The following ALMS1 variants were observed in gnomAD, a reference collection of about 807,000 sequenced individuals.
ALMS1 encodes ALMS1 centrosome and basal body associated protein, also known as centrosome-associated protein ALMS1.
ALMS1 carries 271 observed loss-of-function variants against 352.2 expected under a neutral mutation model. The observed-to-expected ratio is 0.77, with a 90% confidence interval of 0.70 to 0.85. The LOEUF (loss-of-function observed/expected upper bound fraction) is 0.85. Among genes scored for constraint, ALMS1 ranks in the 40% least tolerant of loss-of-function variants. The probability of loss-of-function intolerance (pLI) is 0.00; values close to 1 mark genes in which losing one functional copy is unlikely to be tolerated. For synonymous variants in ALMS1, 1,865 were observed against 1,761.2 expected, an observed-to-expected ratio of 1.06 and a Z score of -1.48; for missense variants, 5,445 against 4,870.7, an observed-to-expected ratio of 1.12 and a Z score of -3.51.
At chr2:73,538,757 G>T (rs1054133156) in intron 12 of ALMS1, among the ~76,000 whole-genome samples, 2 of 152,206 alleles carry the variant, frequency 1.3e-5, no homozygotes, top group Non-Finnish European at 2.9e-5. Flanking sequence ...TGGCTCGGAG[G>T]ATCCTACGCC....
At chr2:73,522,943 A>G (rs1673715788) in intron 11 of ALMS1, among the ~76,000 whole-genome samples, 1 of 152,198 alleles carries the variant, frequency 6.6e-6, no homozygotes, top group Admixed American at 6.5e-5. Context: ...AAGCTGCTCT[A>G]TGTTTTGCTT....
chr2:73,517,901 A>G (rs1572989993), intron 10 of ALMS1, among the ~76,000 whole-genome samples: 1 of 151,162 alleles, frequency 6.6e-6, no homozygotes, highest in African/African-American at 2.4e-5. Flanking sequence ...CAGGTGATCC[A>G]CCCACCTCAG....
chr2:73,422,126 G>A (rs920175774), intron 3 of ALMS1, among the ~76,000 whole-genome samples: 1 of 151,920 alleles, frequency 6.6e-6, no homozygotes, highest in African/African-American at 2.4e-5. Flanking sequence ...CATTGAAAAA[G>A]TACATATTTT....
chr2:73,512,767 G>A lies in ALMS1; in HGVS notation c.9540-7008G>A, dbSNP rs187555816. ...CTCTATATCCTTTTTGTATGTCCCCGTCATCTTTTGATCATGTCTTTGCTT... is the reference window on the plus strand; with the variant it reads ...CTCTATATCCTTTTTGTATGTCCCCATCATCTTTTGATCATGTCTTTGCTT... On this transcript the variant is annotated intron_variant, in intron 10 of 22. Transcript: ENST00000613296. 5.9e-3 allele frequency among the ~76,000 whole-genome samples: 893 copies of A among 152,126 alleles called. 4 individuals are homozygous for A. The highest frequency in any genetic ancestry group is 8.9e-3 in the Non-Finnish European group (605 of 67,980).
At chr2:73,454,319 TG>T in intron 8 of ALMS1, 1 of 984,660 alleles carries the variant, frequency 1.0e-6, no homozygotes, top group Non-Finnish European at 1.2e-6. Flanking sequence ...AGTACCAGCC[TG>T]AGTTTACGTT....
At position 73,609,578 on chromosome 2, in the gene ALMS1, A is replaced by G. The variant is rs752828644; in HGVS notation, c.12473A>G (p.Asn4158Ser). 2.1e-5 allele frequency: 34 copies of G among 1,614,132 alleles called. No homozygotes were observed. Among genetic ancestry groups the G allele is most frequent in the Admixed American group, 6.7e-5 (4 of 60,034 alleles). The change falls in exon 23 of 23, where the codon AAT (asparagine) becomes AGT (serine). Residue 4158 changes from asparagine to serine, a missense_variant. Transcript: ENST00000613296. Reference sequence around the variant, plus strand: ...TCTTTTCTTCTACAGAGAGTGACCAATCAACTTCTGGGGAGAAAAGTTCCC... The same window carrying G: ...TCTTTTCTTCTACAGAGAGTGACCAGTCAACTTCTGGGGAGAAAAGTTCCC... ...RAQLYKKRVT[N>S]QLLGRKVPWD
intron 7 of ALMS1, among the ~76,000 whole-genome samples, chr2:73,440,771 A>C (rs1321670229): frequency 6.6e-6 from 1 of 152,190 alleles, no homozygotes; most frequent in Admixed American, 6.5e-5. Flanking sequence ...CTTAGTGGTA[A>C]AAATGAATTT....
At position 73,385,928 on chromosome 2, in the gene ALMS1, G is replaced by A. The variant is rs183407241; in HGVS notation, c.60G>A (p.Glu20=). Reference sequence around the variant, plus strand: ...TGGAGGAGGAGGAGGAGGAGGAGGAGGAGGAGGAGGAGGAAGAGGAGGAGG... The same window carrying A: ...TGGAGGAGGAGGAGGAGGAGGAGGAAGAGGAGGAGGAGGAAGAGGAGGAGG... ...GELEEEEEEE[E]EEEEEEEEAA... The change falls in exon 1 of 23, where the codon GAG becomes GAA. Residue 20 remains glutamate, a synonymous_variant. Transcript: ENST00000613296. 4.8e-6 allele frequency: 5 copies of A among 1,048,480 alleles called. No individual in the cohort carries two copies. The highest frequency in any genetic ancestry group is 2.0e-5 in the Admixed American group (1 of 49,670). 64.9% of individuals were successfully genotyped at this position (1,048,480 alleles called of 1,614,324 possible).
chr2:73,442,217 T>G (rs945990663), intron 7 of ALMS1, among the ~76,000 whole-genome samples: 6 of 152,168 alleles, frequency 3.9e-5, no homozygotes, highest in African/African-American at 9.7e-5. Flanking sequence ...TGACATGATA[T>G]TCAAAGGAAA....
chr2:73,564,703 G>A (rs868553336), intron 15 of ALMS1, among the ~76,000 whole-genome samples: 16 of 152,062 alleles, frequency 1.1e-4, no homozygotes, highest in African/African-American at 3.1e-4. Flanking sequence ...CTTAGGGCCC[G>A]CCCATAATGA....
chr2:73,472,420 ATATG>A (rs1285802312), intron 9 of ALMS1, among the ~76,000 whole-genome samples: 1 of 152,128 alleles, frequency 6.6e-6, no homozygotes, highest in Admixed American at 6.6e-5. Context: ...ATGATAAAGA[ATATG>A]TATTTGAAAT....
rs45528134 is a variant in ALMS1, at chr2:73,600,872, T to G, written c.11863T>G (p.Ser3955Ala). ...DRKLKKNKKN[S>A]HEGVSWFVPV... ...AAAGTTAAAAAAGAACAAGAAGAATTCCCATGAAGGTCAGTTTCTCATTCC... is the reference window on the plus strand; with the variant it reads ...AAAGTTAAAAAAGAACAAGAAGAATGCCCATGAAGGTCAGTTTCTCATTCC... Residue 3955 changes from serine to alanine, a missense_variant, in exon 18 of 23, where the codon TCC (serine) becomes GCC (alanine). By Grantham distance (99) the Ser-to-Ala change is moderately conservative. Coordinates refer to ENST00000613296, the MANE Select transcript of ALMS1 (RefSeq NM_001378454.1). The G allele has an allele frequency of 4.5e-5, 73 of 1,613,612 alleles. No homozygotes were observed. The highest frequency in any genetic ancestry group is 8.9e-5 in the East Asian group (4 of 44,856).
At chr2:73,412,551 AG>A (rs1426330644) in intron 2 of ALMS1, among the ~76,000 whole-genome samples, 1 of 152,134 alleles carries the variant, frequency 6.6e-6, no homozygotes, top group Non-Finnish European at 1.5e-5. Context: ...GCACTTTGGG[AG>A]GCCGAAGTGG....
intron 9 of ALMS1, among the ~76,000 whole-genome samples, chr2:73,460,910 C>A (rs1672181753): frequency 6.6e-6 from 1 of 152,318 alleles, no homozygotes; most frequent in African/African-American, 2.4e-5. Context: ...TGCCATTGTG[C>A]AGGCTTGATT....
rs576564708 is a variant in ALMS1 at position 73,448,772 on chromosome 2, C to A, written c.2245C>A (p.Pro749Thr). 5 of 1,614,118 alleles carry A rather than the reference C, an allele frequency of 3.1e-6. No individual in the cohort carries two copies. The South Asian group carries it at 4.4e-5, about 14-fold the overall frequency. The stretch of plus-strand genomic sequence containing the variant: ...TACTAAAGTTTCAGCCACTCCTGGA[C>A]CAGCTGACCAGAAGACTGAGATACC... ...TLTKVSATPG[P>T]ADQKTEIPAV... Residue 749 changes from proline to threonine, a missense_variant, in exon 8 of 23, where the codon CCA becomes ACA. Coordinates refer to ENST00000613296, the MANE Select transcript of ALMS1 (RefSeq NM_001378454.1).
chr2:73,608,805 T>G (rs1391924283), intron 22 of ALMS1, among the ~76,000 whole-genome samples: 2 of 152,224 alleles, frequency 1.3e-5, no homozygotes, highest in Non-Finnish European at 2.9e-5. Flanking sequence ...ATGCATTCGT[T>G]TGCAGTGAAA....
chr2:73,418,813 T>C (rs1299121702), intron 2 of ALMS1, among the ~76,000 whole-genome samples: 1 of 152,220 alleles, frequency 6.6e-6, no homozygotes, highest in Non-Finnish European at 1.5e-5. Context: ...CAGTCCTTAA[T>C]ATCTACCTCT....
intron 1 of ALMS1, among the ~76,000 whole-genome samples, chr2:73,403,479 T>C (rs1670910337): frequency 6.6e-6 from 1 of 152,206 alleles, no homozygotes; most frequent in African/African-American, 2.4e-5. Context: ...CCTCCAACTT[T>C]GTTTTTGTCT....
At position 73,451,631 on chromosome 2, in the gene ALMS1, A is replaced by C. The variant is rs1671942207; in HGVS notation, c.5104A>C (p.Thr1702Pro). The change falls in exon 8 of 23, where the codon ACT becomes CCT. Residue 1702 changes from threonine (T) to proline (P), a missense_variant. Coordinates refer to ENST00000613296, the MANE Select transcript of ALMS1 (RefSeq NM_001378454.1). ...TGTTCCTGGACCAGATGCCCAGAAGACTGAGACACCATCAGTATCCTCTAG... is the reference window on the plus strand; with the variant it reads ...TGTTCCTGGACCAGATGCCCAGAAGCCTGAGACACCATCAGTATCCTCTAG... The part of the protein sequence containing the change: ...PPVPGPDAQK[T>P]ETPSVSSSLY... 3 of 1,613,976 alleles carry C rather than the reference A, an allele frequency of 1.9e-6. No homozygotes were observed. Among genetic ancestry groups the C allele is most frequent in the Admixed American group, 1.7e-5 (1 of 59,992 alleles).
Sources: allele counts gnomAD v4.1 joint callset (sites outside exome capture counted in the v4.1 genomes callset), GRCh38; gene constraint gnomAD v4.1.1; transcripts MANE v1.5; gene names NCBI Gene and HGNC (gene_info 2026-07-23, HGNC 2026-07-21).